TEF: variants seen among roughly 807,000 people sequenced by gnomAD.
TEF encodes the protein thyrotroph embryonic factor.
In TEF, 3 loss-of-function variants were observed where a neutral mutation model predicts 20.8. That is an observed-to-expected ratio of 0.14 (90% CI 0.07 to 0.37). The LOEUF (loss-of-function observed/expected upper bound fraction) is 0.37. Ranked by LOEUF, TEF falls within the 10% of genes least tolerant of loss-of-function variation. The pLI is 1.00. For synonymous variants in TEF, 180 were observed against 171.1 expected, an observed-to-expected ratio of 1.05 and a Z score of -0.41; for missense variants, 296 against 397.9, an observed-to-expected ratio of 0.74 and a Z score of 2.18.
intron 1 of TEF, chr22:41,369,189 A>C (rs1438542787): frequency 1.0e-6 from 1 of 985,202 alleles, no homozygotes. Context: ...AGGCCTTTGA[A>C]GTGTGGCAGC....
chr22:41,381,890 T>C, upstream of TEF: 2 of 1,225,816 alleles, frequency 1.6e-6, no homozygotes, highest in Non-Finnish European at 2.0e-6. Context: ...CCAGAGCCGG[T>C]CCGCAGGCGG....
At position 41,397,153 on chromosome 22, in the gene TEF, C is replaced by T. The variant is rs765672394; in HGVS notation, c.*1193C>T. On this transcript the variant is annotated 3_prime_UTR_variant, in exon 4 of 4. Coordinates refer to ENST00000266304, the MANE Select transcript of TEF (RefSeq NM_003216.4). ...CACCAAGGTCACAGTGCCACTTTCA[C>T]GGGATAGCAGGCTCTTGGGACTTTT... 17 of 398,520 alleles carry T rather than the reference C, an allele frequency of 4.3e-5. No homozygotes were observed. Among genetic ancestry groups the T allele is most frequent in the East Asian group, 1.4e-4 (4 of 28,086 alleles). 24.7% of individuals were successfully genotyped at this position (398,520 alleles called of 1,614,324 possible).
chr22:41,378,252 T>C (rs57711468), upstream of TEF, among the ~76,000 whole-genome samples: 52,968 of 143,396 alleles, frequency 0.37, 10,949 homozygotes, highest in Non-Finnish European at 0.48. Context: ...CACTGCAACC[T>C]CCGCCTCCCA....
chr22:41,388,792 G>A (rs1160850321), intron 2 of TEF, among the ~76,000 whole-genome samples: 1 of 151,956 alleles, frequency 6.6e-6, no homozygotes, highest in Non-Finnish European at 1.5e-5. Flanking sequence ...GATAGCTCCT[G>A]CCAGTCGGTA....
intron 1 of TEF, among the ~76,000 whole-genome samples, chr22:41,386,057 C>T (rs1191418214): frequency 2.0e-5 from 3 of 152,256 alleles, no homozygotes; most frequent in South Asian, 2.1e-4. Flanking sequence ...AAACTCCTGA[C>T]CTCGGGATCC....
upstream of TEF, among the ~76,000 whole-genome samples, chr22:41,379,069 G>A (rs963312360): frequency 2.0e-5 from 3 of 152,188 alleles, no homozygotes; most frequent in Non-Finnish European, 4.4e-5. Context: ...GGCCAGGCGC[G>A]GTGGCTCACG....
chr22:41,374,609 T>C (rs916979302), intron 1 of TEF, among the ~76,000 whole-genome samples: 1 of 149,640 alleles, frequency 6.7e-6, no homozygotes, highest in Non-Finnish European at 1.5e-5. Context: ...CGAGCTACTC[T>C]GGAGGCTGGG....
chr22:41,370,042 A>G, intron 1 of TEF: 2 of 985,304 alleles, frequency 2.0e-6, no homozygotes, highest in Non-Finnish European at 2.4e-6. Context: ...GGAGTGTGAG[A>G]AACTCCAGGT....
chr22:41,371,841 C>A (rs1016718170), intron 1 of TEF, among the ~76,000 whole-genome samples: 5 of 152,142 alleles, frequency 3.3e-5, no homozygotes, highest in African/African-American at 1.2e-4. Context: ...GGGACAGCCC[C>A]ATTTCATAAC....
At chr22:41,372,043 CTG>C (rs2036889042) in intron 1 of TEF, among the ~76,000 whole-genome samples, 1 of 152,178 alleles carries the variant, frequency 6.6e-6, no homozygotes, top group Non-Finnish European at 1.5e-5. Flanking sequence ...CAGAGCAAAA[CTG>C]AGAAATCGAG....
chr22:41,382,348 G>GA, intron 1 of TEF, 147 bp downstream of exon 1: 1 of 731,252 alleles, frequency 1.4e-6, no homozygotes, highest in Non-Finnish European at 1.9e-6. Flanking sequence ...GAGCCTGGAG[G>GA]ACGAGGCCGG....
upstream of TEF, among the ~76,000 whole-genome samples, chr22:41,379,754 G>A (rs769055009): frequency 9.2e-4 from 139 of 151,452 alleles, 1 homozygote; most frequent in Non-Finnish European, 1.8e-3. Flanking sequence ...TTAGCCGGGC[G>A]TGGTGACGCA....
rs17002425 is a variant in TEF, at chr22:41,396,203, A to G, written c.*243A>G. On this transcript the variant is annotated 3_prime_UTR_variant, in exon 4 of 4. Transcript: ENST00000266304. ...GAGAATCTGCGTAGATGGGTGACTC[A>G]GCCTTAGTTTCTATTCTTGGATGTC... 0.015 allele frequency: 7,156 copies of G among 489,674 alleles called. 393 individuals carry two copies. The highest frequency in any genetic ancestry group is 0.12 in the African/African-American group (6,249 of 51,790). 30.3% of individuals were successfully genotyped at this position (489,674 alleles called of 1,614,324 possible).
intron 1 of TEF, among the ~76,000 whole-genome samples, chr22:41,372,411 G>C (rs753913748): frequency 6.6e-6 from 1 of 152,216 alleles, no homozygotes; most frequent in Non-Finnish European, 1.5e-5. Flanking sequence ...TCCTGAGCGT[G>C]AGCCAGGACT....
upstream of TEF, among the ~76,000 whole-genome samples, chr22:41,378,708 G>C (rs2036978089): frequency 6.6e-6 from 1 of 151,870 alleles, no homozygotes; most frequent in Non-Finnish European, 1.5e-5. Flanking sequence ...CTGACCTCAG[G>C]TGATCCGCCT....
At chr22:41,386,531 A>G (rs540046422) in intron 1 of TEF, among the ~76,000 whole-genome samples, 3 of 152,196 alleles carry the variant, frequency 2.0e-5, no homozygotes, top group East Asian at 1.9e-4. Context: ...ACCTGAGGTC[A>G]GGAGTTTGAG....
exon 1 of TEF, chr22:41,367,594 G>A (rs1354509045): frequency 1.9e-6 from 3 of 1,551,344 alleles, no homozygotes; most frequent in Admixed American, 3.9e-5. Flanking sequence ...CCAGAGAAGA[G>A]AACAGGTAGG....
Position 41,382,051 on chromosome 22 carries a change from G to A in TEF, c.7G>A (p.Asp3Asn), listed in dbSNP as rs1022557640. The stretch of plus-strand genomic sequence containing the variant: ...GAGCCGAGTCCGGGGCACGATGTCC[G>A]ACGCGGGCGGCGGAAAGAAGCCGCC... MS[D>N]AGGGKKPPVD... Residue 3 changes from aspartate (D) to asparagine (N), a missense_variant, in exon 1 of 4, where the codon GAC becomes AAC. Transcript: ENST00000266304. 7 of 1,230,960 alleles carry A rather than the reference G, an allele frequency of 5.7e-6. No individual in the cohort carries two copies. The highest frequency in any genetic ancestry group is 7.1e-6 in the Non-Finnish European group (7 of 987,410). 76.3% of individuals were successfully genotyped at this position (1,230,960 alleles called of 1,614,324 possible).
chr22:41,379,194 C>T (rs1334218515), upstream of TEF, among the ~76,000 whole-genome samples: 2 of 151,946 alleles, frequency 1.3e-5, no homozygotes, highest in East Asian at 1.9e-4. Context: ...AAAAATTAGG[C>T]GGGCACGGTG....
Sources: gnomAD v4.1 joint callset for allele counts (sites outside exome capture counted in the v4.1 genomes callset) on GRCh38, gnomAD v4.1.1 for gene constraint, MANE v1.5 for transcripts, NCBI Gene and HGNC (gene_info 2026-07-23, HGNC 2026-07-21) for gene names.